CRACD: variants seen among roughly 807,000 people sequenced by gnomAD.
CRACD encodes capping protein inhibiting regulator of actin dynamics.
CRACD carries 56 observed loss-of-function variants against 106.8 expected under a neutral mutation model. That is an observed-to-expected ratio of 0.52 (90% CI 0.42 to 0.66). CRACD has a LOEUF of 0.66. Ranked by LOEUF, CRACD falls within the 30% of genes least tolerant of loss-of-function variation. The probability of loss-of-function intolerance (pLI) is 0.00; values close to 1 mark genes in which losing one functional copy is unlikely to be tolerated. For synonymous variants in CRACD, 754 were observed against 670.8 expected (o/e 1.12, Z -1.92); for missense variants, 1,730 against 1,623.2 (o/e 1.07, Z -1.13).
chr4:56,233,148 G>A (rs551702014), intron 2 of CRACD, among the ~76,000 whole-genome samples: 28 of 151,862 alleles, frequency 1.8e-4, no homozygotes, highest in South Asian at 6.2e-4. Context: ...ATTAAGTTGC[G>A]TTAGTTTTAA....
intron 2 of CRACD, among the ~76,000 whole-genome samples, chr4:56,194,565 G>T (rs1383099151): frequency 1.3e-5 from 2 of 152,188 alleles, no homozygotes; most frequent in African/African-American, 4.8e-5. Context: ...CCTTTGGGGG[G>T]TGATTAGGCC....
chr4:56,180,531 A>AATAAATAG (rs1480194809), intron 2 of CRACD, among the ~76,000 whole-genome samples: 23 of 141,454 alleles, frequency 1.6e-4, no homozygotes, highest in South Asian at 2.2e-4. Context: ...TAAATAAATA[A>AATAAATAG]ATAGATAGAT....
At chr4:56,234,622 CA>C (rs1739852666) in intron 2 of CRACD, among the ~76,000 whole-genome samples, 1 of 151,726 alleles carries the variant, frequency 6.6e-6, no homozygotes, top group African/African-American at 2.4e-5. Flanking sequence ...AATAGTGAAA[CA>C]AAGCTTAGAG....
At chr4:56,275,085 A>C (rs537906796) in intron 3 of CRACD, among the ~76,000 whole-genome samples, 100 of 152,286 alleles carry the variant, frequency 6.6e-4, no homozygotes, top group African/African-American at 2.1e-3. Flanking sequence ...AATGATGAGA[A>C]CTCATGACAC....
intron 1 of CRACD, among the ~76,000 whole-genome samples, chr4:56,167,609 C>A (rs80314579): frequency 1.3e-5 from 2 of 152,068 alleles, no homozygotes; most frequent in Admixed American, 1.3e-4. Context: ...AGCAATAATA[C>A]GTGGTATTTG....
intron 1 of CRACD, among the ~76,000 whole-genome samples, chr4:56,150,049 A>G (rs1169736843): frequency 6.6e-6 from 1 of 152,242 alleles, no homozygotes. Flanking sequence ...ATTAAATGCT[A>G]TGGGAACTTA....
At position 56,316,649 on chromosome 4, in the gene CRACD, G is replaced by A. The variant is rs375688030; in HGVS notation, c.3147G>A (p.Gln1049=). Residue 1049 remains glutamine (Q), a synonymous_variant, in exon 8 of 11, where the codon CAG becomes CAA. Transcript: ENST00000682029. ...KPASPPLPAT[Q]QEKPSQTPEA... ...CTTCCCCACCTCTGCCTGCCACTCA[G>A]CAAGAGAAACCTTCTCAAACACCCG... The A allele has an allele frequency of 1.9e-6, 3 of 1,612,798 alleles. No individual in the cohort carries two copies. The highest frequency in any genetic ancestry group is 2.5e-6 in the Non-Finnish European group (3 of 1,179,700).
At chr4:56,078,556 G>A (rs183821312) in intron 1 of CRACD, among the ~76,000 whole-genome samples, 33 of 152,186 alleles carry the variant, frequency 2.2e-4, no homozygotes, top group Non-Finnish European at 3.8e-4. Context: ...ACAGGCATGC[G>A]CCACCATGCC....
At position 56,258,234 on chromosome 4, in the gene CRACD, T is replaced by A. The variant is rs147635890; in HGVS notation, c.-188-14087T>A. 1.9e-3 allele frequency among the ~76,000 whole-genome samples: 286 copies of A among 152,300 alleles called. 1 individual carries two copies. The highest frequency in any genetic ancestry group is 6.2e-3 in the African/African-American group (259 of 41,574). On this transcript the variant is annotated intron_variant, in intron 2 of 10. Coordinates refer to ENST00000682029, the MANE Select transcript of CRACD (RefSeq NM_001393381.1). ...AAGACTTTAGATAATAACTTAACTCTTTCAACTAATTGCCAGTCAGAAAAT... is the reference window on the plus strand; with the variant it reads ...AAGACTTTAGATAATAACTTAACTCATTCAACTAATTGCCAGTCAGAAAAT...
At chr4:56,171,507 T>C (rs1259166338) in intron 1 of CRACD, among the ~76,000 whole-genome samples, 1 of 152,122 alleles carries the variant, frequency 6.6e-6, no homozygotes, top group African/African-American at 2.4e-5. Flanking sequence ...AGTTTTTATT[T>C]TGGGATTCAC....
chr4:56,293,424 A>C (rs1743809062), intron 3 of CRACD, among the ~76,000 whole-genome samples: 1 of 152,238 alleles, frequency 6.6e-6, no homozygotes, highest in African/African-American at 2.4e-5. Context: ...AAAAACAAAG[A>C]TAAAGAGGCT....
chr4:56,139,335 TTC>T (rs1395856665), intron 1 of CRACD, among the ~76,000 whole-genome samples: 1 of 149,478 alleles, frequency 6.7e-6, no homozygotes, highest in African/African-American at 2.4e-5. Context: ...TCCTCTCTCT[TTC>T]TCTCTCTCTT....
intron 1 of CRACD, among the ~76,000 whole-genome samples, chr4:56,080,755 ATTGTTT>A (rs922825732): frequency 4.6e-5 from 7 of 152,200 alleles, no homozygotes; most frequent in Admixed American, 6.6e-5. Flanking sequence ...CCTTCAGCAG[ATTGTTT>A]CAGTGGCAAA....
Position 56,180,489 on chromosome 4 carries a change from AAAATAAATAAATAAATAAATAAAT to A in CRACD, c.-189+1081_-189+1104del, listed in dbSNP as rs199914728. On this transcript the variant is annotated intron_variant, in intron 2 of 10. Transcript: ENST00000682029. ...GGGTGACAGTGCAAGACTCCATCTC[AAAATAAATAAATAAATAAATAAAT>A]AAATAAATAAATAAATAAATAGATA... Among the ~76,000 whole-genome samples the A allele has an allele frequency of 4.4e-3, 645 of 146,330 alleles. 2 individuals carry two copies. The highest frequency in any genetic ancestry group is 0.015 in the African/African-American group (613 of 39,698).
At chr4:56,324,408 G>A (rs1306225321) in intron 10 of CRACD, 142 bp downstream of exon 10, 4 of 736,686 alleles carry the variant, frequency 5.4e-6, no homozygotes, top group Non-Finnish European at 8.5e-6. Context: ...ATTCATAAAC[G>A]TTGACACTGA....
intron 1 of CRACD, among the ~76,000 whole-genome samples, chr4:56,054,703 C>A (rs577640356): frequency 6.6e-6 from 1 of 151,746 alleles, no homozygotes; most frequent in Non-Finnish European, 1.5e-5. Flanking sequence ...GAGTAACAAC[C>A]CTGAAGAGAT....
chr4:56,154,821 T>C (rs1363754741), intron 1 of CRACD, among the ~76,000 whole-genome samples: 2 of 152,156 alleles, frequency 1.3e-5, no homozygotes, highest in Non-Finnish European at 2.9e-5. Context: ...AGTTGCTAGA[T>C]AGAGGAAAAA....
intron 1 of CRACD, among the ~76,000 whole-genome samples, chr4:56,068,754 C>T (rs1411708310): frequency 2.6e-5 from 4 of 151,938 alleles, no homozygotes; most frequent in African/African-American, 2.4e-5. Flanking sequence ...AGGACTACAG[C>T]GGGGGATGGA....
intron 2 of CRACD, among the ~76,000 whole-genome samples, chr4:56,228,855 A>C (rs553560335): frequency 6.6e-6 from 1 of 152,320 alleles, no homozygotes; most frequent in South Asian, 2.1e-4. Context: ...GCTAAAACCC[A>C]GAAGTTAAAG....
Sources: gnomAD v4.1 joint callset for allele counts (sites outside exome capture counted in the v4.1 genomes callset) on GRCh38, gnomAD v4.1.1 for gene constraint, MANE v1.5 for transcripts, NCBI Gene and HGNC (gene_info 2026-07-23, HGNC 2026-07-21) for gene names.